Variants in CACNA2D3 observed in about 807,000 individuals in gnomAD.
CACNA2D3 encodes calcium voltage-gated channel auxiliary subunit alpha2delta 3.
A neutral mutation model predicts 160.6 loss-of-function variants in CACNA2D3; 60 were observed. That is an observed-to-expected ratio of 0.37 (90% CI 0.30 to 0.46). The LOEUF (loss-of-function observed/expected upper bound fraction) is 0.46, where lower values mean the gene tolerates loss of function less well. Among genes scored for constraint, CACNA2D3 ranks in the 20% least tolerant of loss-of-function variants. The pLI, the probability that CACNA2D3 is intolerant of heterozygous loss-of-function variation, is 1.00. For synonymous variants in CACNA2D3, 558 were observed against 492.9 expected, an observed-to-expected ratio of 1.13 and a Z score of -1.75; for missense variants, 1,205 against 1,365.0, an observed-to-expected ratio of 0.88 and a Z score of 1.85.
rs368999335 is a variant in CACNA2D3 at position 54,717,367 on chromosome 3, G to A, written c.1168-35232G>A. 1.8e-4 allele frequency among the ~76,000 whole-genome samples: 27 copies of A among 152,262 alleles called. No individual in the cohort carries two copies. In the East Asian group the frequency reaches 2.9e-3, roughly 16 times the overall value. ...AGGAGTCGAATTACCACCTCAAAAG[G>A]TATACATGTGTTCTGCATTAAGAAA... On this transcript the variant is annotated intron_variant, in intron 11 of 37. Coordinates refer to ENST00000474759, the MANE Select transcript of CACNA2D3 (RefSeq NM_018398.3).
chr3:54,957,070 C>G (rs1456494354), intron 27 of CACNA2D3, among the ~76,000 whole-genome samples: 1 of 152,146 alleles, frequency 6.6e-6, no homozygotes, highest in Non-Finnish European at 1.5e-5. Flanking sequence ...CTGGCACATA[C>G]TAGAGGGCTT....
intron 31 of CACNA2D3, among the ~76,000 whole-genome samples, chr3:54,990,079 A>G (rs948970656): frequency 1.3e-5 from 2 of 152,216 alleles, no homozygotes; most frequent in Non-Finnish European, 2.9e-5. Context: ...CCCACCCTCA[A>G]ACATGGGTTA....
intron 11 of CACNA2D3, among the ~76,000 whole-genome samples, chr3:54,749,213 C>A (rs1389315911): frequency 6.6e-6 from 1 of 152,108 alleles, no homozygotes; most frequent in Non-Finnish European, 1.5e-5. Context: ...GAATTTTGTG[C>A]TACACAAAAC....
chr3:54,727,467 T>A (rs1448878282), intron 11 of CACNA2D3, among the ~76,000 whole-genome samples: 5 of 152,222 alleles, frequency 3.3e-5, no homozygotes. Flanking sequence ...CATATGTTTA[T>A]TGCAGCACTA....
At chr3:55,008,003 C>CA (rs1468291432) in intron 33 of CACNA2D3, among the ~76,000 whole-genome samples, 161 bp downstream of exon 33, 7 of 152,042 alleles carry the variant, frequency 4.6e-5, no homozygotes, top group Non-Finnish European at 1.0e-4. Context: ...ACACAGAGAC[C>CA]AAAAAATGAT....
At chr3:54,994,825 C>G (rs1012917306) in intron 31 of CACNA2D3, among the ~76,000 whole-genome samples, 27 of 152,316 alleles carry the variant, frequency 1.8e-4, no homozygotes, top group African/African-American at 6.5e-4. Flanking sequence ...ACTCATGTCT[C>G]TCAGATTCCA....
chr3:54,182,415 T>G (rs1700800437), intron 2 of CACNA2D3, among the ~76,000 whole-genome samples: 1 of 152,218 alleles, frequency 6.6e-6, no homozygotes, highest in South Asian at 2.1e-4. Flanking sequence ...TGTGATACTG[T>G]AATAAATAAA....
At chr3:54,949,085 C>T (rs1381952049) in intron 27 of CACNA2D3, among the ~76,000 whole-genome samples, 2 of 152,190 alleles carry the variant, frequency 1.3e-5, no homozygotes, top group Non-Finnish European at 2.9e-5. Context: ...CCAGTGCCCC[C>T]AGTATTCATC....
At chr3:54,475,126 G>GA (rs1369038684) in intron 4 of CACNA2D3, among the ~76,000 whole-genome samples, 1 of 152,194 alleles carries the variant, frequency 6.6e-6, no homozygotes, top group Non-Finnish European at 1.5e-5. Flanking sequence ...TTAGGCGACA[G>GA]AAATTATCCT....
chr3:54,908,752 T>C (rs931906320), intron 27 of CACNA2D3, among the ~76,000 whole-genome samples: 1 of 152,120 alleles, frequency 6.6e-6, no homozygotes, highest in Non-Finnish European at 1.5e-5. Context: ...TCTTGTGAGC[T>C]CTCCACTGCC....
chr3:55,061,174 A>G (rs1704497517), intron 35 of CACNA2D3, among the ~76,000 whole-genome samples: 1 of 152,248 alleles, frequency 6.6e-6, no homozygotes, highest in Non-Finnish European at 1.5e-5. Flanking sequence ...TCCATCAGCA[A>G]GTCACAAATG....
chr3:55,045,889 C>G (rs181193093), intron 35 of CACNA2D3, among the ~76,000 whole-genome samples: 38 of 151,696 alleles, frequency 2.5e-4, no homozygotes, highest in Admixed American at 6.6e-4. Context: ...ATTCTCAATT[C>G]TAATATTCTC....
intron 2 of CACNA2D3, among the ~76,000 whole-genome samples, chr3:54,185,963 C>G (rs533462346): frequency 2.6e-5 from 4 of 152,306 alleles, no homozygotes; most frequent in Non-Finnish European, 5.9e-5. Flanking sequence ...TTCTTGCATT[C>G]CAGGACAGCA....
intron 5 of CACNA2D3, among the ~76,000 whole-genome samples, chr3:54,558,222 T>C (rs1481835548): frequency 6.6e-6 from 1 of 152,210 alleles, no homozygotes; most frequent in African/African-American, 2.4e-5. Context: ...CTGTATGGTA[T>C]TGATGAATCT....
intron 5 of CACNA2D3, among the ~76,000 whole-genome samples, chr3:54,537,791 C>G (rs1701912244): frequency 6.6e-6 from 1 of 152,166 alleles, no homozygotes; most frequent in Admixed American, 6.5e-5. Flanking sequence ...TGAGACAATG[C>G]TTGGGAAGCA....
intron 27 of CACNA2D3, among the ~76,000 whole-genome samples, chr3:54,958,322 G>T (rs1320646355): frequency 6.6e-6 from 1 of 152,228 alleles, no homozygotes; most frequent in East Asian, 1.9e-4. Flanking sequence ...GAGCCCAAGA[G>T]TTGGAGGCTG....
At chr3:54,599,986 A>T (rs1226941459) in intron 9 of CACNA2D3, among the ~76,000 whole-genome samples, 3 of 152,236 alleles carry the variant, frequency 2.0e-5, no homozygotes, top group Non-Finnish European at 4.4e-5. Context: ...ACCTGGCGGC[A>T]TAAGTCTGCT....
chr3:54,339,427 T>TA (rs1205554037), intron 3 of CACNA2D3, among the ~76,000 whole-genome samples: 1 of 152,206 alleles, frequency 6.6e-6, no homozygotes, highest in Non-Finnish European at 1.5e-5. Flanking sequence ...CGACCGCTGT[T>TA]ACGCTATCAT....
intron 11 of CACNA2D3, among the ~76,000 whole-genome samples, chr3:54,663,141 G>A (rs1200307925): frequency 6.6e-6 from 1 of 152,238 alleles, no homozygotes; most frequent in Non-Finnish European, 1.5e-5. Context: ...AAGTGCTTCA[G>A]AAGAACCCTC....
Sources: allele counts gnomAD v4.1 joint callset (sites outside exome capture counted in the v4.1 genomes callset), GRCh38; gene constraint gnomAD v4.1.1; transcripts MANE v1.5; gene names NCBI Gene and HGNC (gene_info 2026-07-23, HGNC 2026-07-21).